The following PAX8 variants were observed in gnomAD, a reference collection of about 807,000 sequenced individuals.
PAX8 encodes paired box 8, also known as paired box protein Pax-8.
A neutral mutation model predicts 52.4 loss-of-function variants in PAX8; 15 were observed. That is an observed-to-expected ratio of 0.29 (90% confidence interval 0.19 to 0.44). The LOEUF is 0.44. PAX8 is among the 20% of genes least tolerant of loss of function. PAX8 has a pLI of 1.00. For synonymous variants in PAX8, 284 were observed against 249.7 expected (o/e 1.14, Z -1.29); for missense variants, 554 against 602.5 (o/e 0.92, Z 0.84).
chr2:113,267,687 C>G (rs926413835), intron 2 of PAX8: 1 of 152,250 alleles, frequency 6.6e-6, no homozygotes, highest in African/African-American at 2.4e-5. Context: ...ACTCATCAAT[C>G]ACACCTGTAA....
At chr2:113,235,641 C>G in intron 8 of PAX8, 59 bp from the exon 9 acceptor site, 1 of 1,410,826 alleles carries the variant, frequency 7.1e-7, no homozygotes, top group South Asian at 1.3e-5. Flanking sequence ...GGAGGGAACA[C>G]GCACAAGCCA....
At chr2:113,258,872 G>T (rs1358127892) in intron 2 of PAX8, among the ~76,000 whole-genome samples, 2 of 152,080 alleles carry the variant, frequency 1.3e-5, no homozygotes, top group African/African-American at 4.8e-5. Context: ...TCCCAAGAAG[G>T]GCTTCAGTGT....
At chr2:113,230,416 T>A (rs1445531815) in intron 9 of PAX8, 1 of 152,276 alleles carries the variant, frequency 6.6e-6, no homozygotes, top group Non-Finnish European at 1.5e-5. Flanking sequence ...CCCACGGGGC[T>A]CCACCGCATG....
intron 2 of PAX8, among the ~76,000 whole-genome samples, chr2:113,277,917 C>A (rs553063805): frequency 4.5e-4 from 68 of 152,138 alleles, no homozygotes; most frequent in Non-Finnish European, 7.9e-4. Context: ...TTGAGAGATG[C>A]GGGGAGCTCA....
At chr2:113,235,061 CA>C (rs2104454174) in intron 9 of PAX8, among the ~76,000 whole-genome samples, 1 of 152,294 alleles carries the variant, frequency 6.6e-6, no homozygotes, top group East Asian at 1.9e-4. Context: ...TTTTTCCCTC[CA>C]AAATGTTCAT....
At chr2:113,264,366 T>C (rs1326203272) in intron 2 of PAX8, among the ~76,000 whole-genome samples, 1 of 152,240 alleles carries the variant, frequency 6.6e-6, no homozygotes, top group East Asian at 1.9e-4. Context: ...ATTTCTTGCT[T>C]TCTCAGTTCC....
rs750259369 is a variant in PAX8, at chr2:113,241,677, G to A, written c.651C>T (p.Ser217=). ...CCGTGCGAAGGTGCTTTCGGGGTCC[G>A]CTGCTGCTGCTCTGTGAGTCAATGC... ...RLSIDSQSSS[S]GPRKHLRTDA... Residue 217 remains serine, a synonymous_variant, in exon 7 of 12, where the codon AGC becomes AGT. Transcript: ENST00000429538. 16 of 1,613,792 alleles carry A rather than the reference G, an allele frequency of 9.9e-6. No individual in the cohort carries two copies. In the Middle Eastern group the frequency reaches 4.9e-4, roughly 50 times the overall value.
At chr2:113,238,085 T>TTTC (rs1690517028) in intron 7 of PAX8, 1 of 146,666 alleles carries the variant, frequency 6.8e-6, no homozygotes, top group Non-Finnish European at 1.5e-5. Flanking sequence ...TTTTTTTTTT[T>TTTC]GTAGACGGAG....
At chr2:113,219,290 A>G (rs1689147448) in intron 11 of PAX8, among the ~76,000 whole-genome samples, 1 of 152,148 alleles carries the variant, frequency 6.6e-6, no homozygotes, top group African/African-American at 2.4e-5. Context: ...GATGGTTCCT[A>G]GCCTGCAATG....
intron 7 of PAX8, chr2:113,237,727 CAGAT>C (rs1233223200): frequency 1.3e-5 from 2 of 152,182 alleles, no homozygotes; most frequent in African/African-American, 4.8e-5. Context: ...ACTGGGGAAG[CAGAT>C]AGCGCAGAAA....
intron 2 of PAX8, chr2:113,273,189 A>G (rs1032464341): frequency 6.6e-5 from 10 of 152,258 alleles, no homozygotes; most frequent in Non-Finnish European, 1.0e-4. Flanking sequence ...ACATCCATGC[A>G]CCAGTCAACC....
intron 2 of PAX8, among the ~76,000 whole-genome samples, chr2:113,260,242 A>G (rs1020801801): frequency 1.3e-5 from 2 of 152,158 alleles, no homozygotes; most frequent in Non-Finnish European, 2.9e-5. Flanking sequence ...ACACATTTAC[A>G]TGCACAGTCT....
rs1198302145 is a variant in PAX8, at chr2:113,226,663, G to GTCA, written c.1189+489_1189+491dup. The stretch of plus-strand genomic sequence containing the variant: ...AAGCATATATTTCATCATCATCATC[G>GTCA]TCATCGTCATCATCATCATCATCAT... On this transcript the variant is annotated intron_variant, in intron 10 of 11. Transcript: ENST00000429538. The GTCA allele has an allele frequency of 5.5e-6, 6 of 1,083,558 alleles. No homozygotes were observed. The South Asian group carries it at 8.1e-5, about 15-fold the overall frequency. 67.1% of individuals were successfully genotyped at this position (1,083,558 alleles called of 1,614,324 possible).
At chr2:113,218,811 G>A (rs1197883135) in intron 11 of PAX8, among the ~76,000 whole-genome samples, 1 of 152,186 alleles carries the variant, frequency 6.6e-6, no homozygotes, top group Non-Finnish European at 1.5e-5. Context: ...TGGCCAGAAT[G>A]AGAACAGTGG....
At chr2:113,234,946 T>C (rs1458737336) in intron 9 of PAX8, among the ~76,000 whole-genome samples, 1 of 152,226 alleles carries the variant, frequency 6.6e-6, no homozygotes, top group Non-Finnish European at 1.5e-5. Context: ...CCGGTGATGC[T>C]GTTAAGCTAG....
In PAX8 at chr2:113,216,536, G is replaced by T; in HGVS notation, c.*1997C>A. ...GTCCCACATGGAGAAGGTCCATGTG[G>T]ACACCAGACAGCCCCCTGGAGTGCA... On this transcript the variant is annotated 3_prime_UTR_variant, in exon 12 of 12. Coordinates refer to ENST00000429538, the MANE Select transcript of PAX8 (RefSeq NM_003466.4). 1 of 230,124 alleles carries T rather than the reference G, an allele frequency of 4.3e-6. No homozygotes were observed. The highest frequency in any genetic ancestry group is 8.6e-6 in the Non-Finnish European group (1 of 116,060). The allele number at this position is 230,124 out of a possible 1,614,324, so 14.3% of individuals were successfully genotyped here.
intron 10 of PAX8, among the ~76,000 whole-genome samples, chr2:113,224,599 G>C (rs957908993): frequency 2.6e-5 from 4 of 151,162 alleles, no homozygotes; most frequent in African/African-American, 9.7e-5. Flanking sequence ...AGGATCGGTG[G>C]AAAGGTGGAG....
At chr2:113,278,736 G>T in intron 1 of PAX8, 95 bp downstream of exon 1, 1 of 652,748 alleles carries the variant, frequency 1.5e-6, no homozygotes, top group Non-Finnish European at 2.2e-6. Context: ...TAACTTGGGA[G>T]GGAAAAGGCT....
At chr2:113,253,745 A>G (rs1170766157) in intron 2 of PAX8, among the ~76,000 whole-genome samples, 1 of 151,778 alleles carries the variant, frequency 6.6e-6, no homozygotes, top group Non-Finnish European at 1.5e-5. Context: ...AACATGCTTT[A>G]CCTTTCTTGA....
Sources: allele counts gnomAD v4.1 joint callset (sites outside exome capture counted in the v4.1 genomes callset), GRCh38; gene constraint gnomAD v4.1.1; transcripts MANE v1.5; gene names NCBI Gene and HGNC (gene_info 2026-07-23, HGNC 2026-07-21).